Variants in COL6A5 observed in about 807,000 individuals in gnomAD.
COL6A5 encodes the protein collagen type VI alpha 5 chain, also known as collagen alpha-5(VI) chain.
Under a neutral mutation model 65.6 loss-of-function variants are expected in COL6A5, and 48 were observed. The observed-to-expected ratio is 0.73, with a 90% CI of 0.58 to 0.93. The LOEUF is 0.93. Ranked by LOEUF, COL6A5 falls within the 40% of genes least tolerant of loss-of-function variation. The pLI, the probability that COL6A5 is intolerant of heterozygous loss-of-function variation, is 0.00. For missense variants in COL6A5, 914 were observed against 928.3 expected (o/e 0.98, Z 0.20); for synonymous variants, 291 against 322.8 (o/e 0.90, Z 1.05).
At chr3:130,349,334 G>A (rs1934618690) in intron 1 of COL6A5, among the ~76,000 whole-genome samples, 1 of 152,232 alleles carries the variant, frequency 6.6e-6, no homozygotes, top group Admixed American at 6.5e-5. Flanking sequence ...GAGACTGCAA[G>A]CCCTTGGGCA....
intron 1 of COL6A5, among the ~76,000 whole-genome samples, chr3:130,354,125 A>C (rs1010624600): frequency 1.3e-5 from 2 of 151,968 alleles, no homozygotes; most frequent in Non-Finnish European, 1.5e-5. Flanking sequence ...GAAGGAAGGA[A>C]GGAAAGAAGG....
intron 22 of COL6A5, among the ~76,000 whole-genome samples, 175 bp downstream of exon 22, chr3:130,414,306 G>T (rs915298626): frequency 6.6e-6 from 1 of 152,074 alleles, no homozygotes; most frequent in Non-Finnish European, 1.5e-5. Context: ...TTCGTTGTTC[G>T]TAGGTCACTA....
At position 130,397,930 on chromosome 3, in the gene COL6A5, A is replaced by C; in HGVS notation, c.3909+7A>C. 2 of 1,549,680 alleles carry C rather than the reference A, an allele frequency of 1.3e-6. No individual in the cohort carries two copies. Among genetic ancestry groups the C allele is most frequent in the Non-Finnish European group, 1.7e-6 (2 of 1,145,272 alleles). ...ATCTGCATCCCGGGGCCAGGTATCC[A>C]TATTACATTCTATCTCCCATCTCCA... On this transcript the variant is annotated splice_region_variant and intron_variant and NMD_transcript_variant, in intron 9 of 41. Transcript: ENST00000312481.
intron 4 of COL6A5, 83 bp downstream of exon 4, chr3:130,380,133 T>C (rs998350006): frequency 9.7e-7 from 1 of 1,028,320 alleles, no homozygotes; most frequent in African/African-American, 1.6e-5. Context: ...GGATCAACTG[T>C]AATTGGATAA....
intron 7 of COL6A5, chr3:130,471,828 T>A: frequency 6.5e-7 from 1 of 1,535,032 alleles, no homozygotes; most frequent in Non-Finnish European, 8.7e-7. Context: ...AAGTTATATC[T>A]GCTCTTTTCA....
exon 3 of COL6A5, chr3:130,440,652 A>C: frequency 6.2e-7 from 1 of 1,613,570 alleles, no homozygotes; most frequent in Non-Finnish European, 8.5e-7. Flanking sequence ...TTGAGGGCTA[A>C]GTGTCAAGGC....
exon 1 of COL6A5, chr3:130,345,816 GGGC>G (rs1934443296): frequency 1.0e-3 from 1 of 982 alleles, no homozygotes; most frequent in Non-Finnish European, 5.5e-3. Flanking sequence ...GCGCGGACCA[GGGC>G]GTGCGGCGCG....
chr3:130,471,023 A>T, intron 7 of COL6A5, 56 bp downstream of exon 39: 1 of 1,232,080 alleles, frequency 8.1e-7, no homozygotes, highest in Non-Finnish European at 1.2e-6. Context: ...AGTTCTTAAG[A>T]AAACTGTGAA....
At position 130,455,642 on chromosome 3, in the gene COL6A5, G is replaced by T. The variant is rs1364740539; in HGVS notation, c.1522G>T (p.Ala508Ser). Residue 508 changes from alanine to serine, a missense_variant, in exon 5 of 8, where the codon GCA becomes TCA. Transcript: ENST00000512836. Reference sequence around the variant, plus strand: ...CAATTATGAAAAAGATCAAAAATCTGCAGAAATTGCAAGTCTCACTTCTGG... The same window carrying T: ...CAATTATGAAAAAGATCAAAAATCTTCAGAAATTGCAAGTCTCACTTCTGG... 3 of 1,612,612 alleles carry T rather than the reference G, an allele frequency of 1.9e-6. No homozygotes were observed. In the Admixed American group the frequency reaches 5.0e-5, roughly 27 times the overall value.
At chr3:130,478,933 C>T (rs1710164765) in intron 7 of COL6A5, among the ~76,000 whole-genome samples, 1 of 151,990 alleles carries the variant, frequency 6.6e-6, no homozygotes, top group South Asian at 2.1e-4. Flanking sequence ...TGTAATCTGG[C>T]CCCTCCCATT....
At chr3:130,354,649 C>A (rs1300586467) in intron 1 of COL6A5, among the ~76,000 whole-genome samples, 1 of 152,124 alleles carries the variant, frequency 6.6e-6, no homozygotes, top group African/African-American at 2.4e-5. Flanking sequence ...GAGTCACTTC[C>A]TAGAAGTACT....
intron 1 of COL6A5, among the ~76,000 whole-genome samples, chr3:130,362,882 TTCTC>T (rs953562901): frequency 1.3e-5 from 2 of 152,202 alleles, no homozygotes; most frequent in African/African-American, 4.8e-5. Context: ...TGGTATATCT[TTCTC>T]TATCCAATTT....
intron 8 of COL6A5, among the ~76,000 whole-genome samples, chr3:130,396,142 T>C (rs2107658217): frequency 6.6e-6 from 1 of 152,190 alleles, no homozygotes; most frequent in South Asian, 2.1e-4. Flanking sequence ...CAGCTGAGAG[T>C]GGCCACAGGG....
intron 4 of COL6A5, among the ~76,000 whole-genome samples, chr3:130,450,495 G>A (rs139169923): frequency 3.9e-5 from 6 of 152,196 alleles, no homozygotes; most frequent in South Asian, 4.2e-4. Flanking sequence ...TTCATGGCCC[G>A]TGCCCACAGA....
chr3:130,478,153 T>G (rs1710143586), intron 7 of COL6A5, among the ~76,000 whole-genome samples: 1 of 152,110 alleles, frequency 6.6e-6, no homozygotes, highest in Non-Finnish European at 1.5e-5. Context: ...CATTGGCTAA[T>G]GTAAGCAGTA....
intron 4 of COL6A5, among the ~76,000 whole-genome samples, chr3:130,444,199 T>A (rs1300758952): frequency 6.6e-6 from 1 of 152,200 alleles, no homozygotes; most frequent in Non-Finnish European, 1.5e-5. Flanking sequence ...CTGTTCTTTT[T>A]TCAAGGTGCC....
intron 7 of COL6A5, among the ~76,000 whole-genome samples, chr3:130,476,494 C>A (rs1295916699): frequency 1.3e-5 from 2 of 151,730 alleles, no homozygotes; most frequent in African/African-American, 2.4e-5. Flanking sequence ...ATTAGAATCA[C>A]CTAGTTATTT....
intron 4 of COL6A5, among the ~76,000 whole-genome samples, chr3:130,381,449 A>G (rs1329785765): frequency 2.0e-5 from 3 of 152,224 alleles, no homozygotes; most frequent in East Asian, 3.9e-4. Flanking sequence ...AAAGTCTTGC[A>G]GGGACATCCT....
At chr3:130,468,547 GAGAT>G (rs1207542268) in intron 5 of COL6A5, among the ~76,000 whole-genome samples, 1 of 152,064 alleles carries the variant, frequency 6.6e-6, no homozygotes, top group Non-Finnish European at 1.5e-5. Flanking sequence ...ACAAAGATCT[GAGAT>G]AGGATAGCAA....
Sources: gnomAD v4.1 joint callset for allele counts (sites outside exome capture counted in the v4.1 genomes callset) on GRCh38, gnomAD v4.1.1 for gene constraint, MANE v1.5 for transcripts, NCBI Gene and HGNC (gene_info 2026-07-23, HGNC 2026-07-21) for gene names.